The following C4orf50 variants were observed in gnomAD, a reference collection of about 807,000 sequenced individuals.
C4orf50 encodes the protein uncharacterized protein C4orf50.
A neutral mutation model predicts 77.2 loss-of-function variants in C4orf50; 80 were observed. The observed-to-expected ratio is 1.04, with a 90% CI of 0.87 to 1.25. The LOEUF (loss-of-function observed/expected upper bound fraction) is 1.25. C4orf50 is among the 50% of genes most tolerant of loss of function. C4orf50 has a pLI of 0.00. For synonymous variants in C4orf50, 532 were observed against 465.3 expected (o/e 1.14, Z -1.84); for missense variants, 1,257 against 1,152.9 (o/e 1.09, Z -1.31).
At position 5,970,977 on chromosome 4, in the gene C4orf50, T is replaced by G. The variant is rs73212620; in HGVS notation, c.4104+2682A>C. ...AAGGCAGCCTGTCCAGTTGGGACCC[T>G]AGCCAGCCCACGCCCCCTACCCAAA... On this transcript the variant is annotated intron_variant, in intron 31 of 33. Transcript: ENST00000531445. This position sits in a 1 kb window ranked among gnomAD's most constrained non-coding sequence, Gnocchi z 4.3. 0.058 allele frequency among the ~76,000 whole-genome samples: 8,900 copies of G among 152,236 alleles called. 327 individuals are homozygous for G. The highest frequency in any genetic ancestry group is 0.088 in the Non-Finnish European group (6,017 of 67,994).
At position 6,000,272 on chromosome 4, in the gene C4orf50, G is replaced by A. The variant is rs1560595493; in HGVS notation, c.964-5796C>T. ...CCTGGAAGCCACAGCCATGGCCACT[G>A]AGGCTCATGCAATTTCCACCAAGAC... On this transcript the variant is annotated intron_variant, in intron 25 of 33. Transcript: ENST00000531445. This position sits in a 1 kb window ranked among gnomAD's most constrained non-coding sequence, Gnocchi z 6.0. Among the ~76,000 whole-genome samples the A allele has an allele frequency of 1.3e-5, 2 of 152,132 alleles. No homozygotes were observed. The highest frequency in any genetic ancestry group is 3.9e-4 in the East Asian group (2 of 5,176).
At chr4:5,899,495 C>A (rs999764577) in intron 7 of C4orf50, 1 of 152,234 alleles carries the variant, frequency 6.6e-6, no homozygotes, top group East Asian at 1.9e-4. Flanking sequence ...TTAAGAACCA[C>A]CAGCTGTTTA....
intron 28 of C4orf50, among the ~76,000 whole-genome samples, chr4:5,983,177 C>T (rs77645257): frequency 0.085 from 12,959 of 152,272 alleles, 716 homozygotes; most frequent in Non-Finnish European, 0.11. Context: ...AGCTGTTCTC[C>T]TTCAATCCAC....
At chr4:5,986,008 C>T (rs74217404) in intron 28 of C4orf50, among the ~76,000 whole-genome samples, 23,298 of 151,974 alleles carry the variant, frequency 0.15, 1,911 homozygotes, top group East Asian at 0.21. Context: ...AACATTATAA[C>T]ATATAGATTT....
rs1164412443 is a variant in C4orf50 at position 5,975,170 on chromosome 4, A to C, written c.3921+729T>G. On this transcript the variant is annotated intron_variant, in intron 30 of 33. Transcript: ENST00000531445. ...AAAAAAAAAAAAAAAAAAAAAAAAA[A>C]AAAAAAAACTACATCACAGTGTTTG... Among the ~76,000 whole-genome samples the C allele has an allele frequency of 5.7e-3, 684 of 120,154 alleles. 25 individuals carry two copies. The highest frequency in any genetic ancestry group is 0.02 in the African/African-American group (652 of 31,860). 78.8% of individuals were successfully genotyped at this position (120,154 alleles called of 152,430 possible). A position where few individuals can be genotyped will look rare whatever the true frequency, so the allele number is the denominator to read the frequency against.
chr4:5,946,303 G>A (rs1490336503), intron 7 of C4orf50, among the ~76,000 whole-genome samples: 2 of 152,182 alleles, frequency 1.3e-5, no homozygotes. Flanking sequence ...TGGCAGGAGG[G>A]TTTAGTGCCT....
chr4:5,935,784 TA>T lies in C4orf50; in HGVS notation c.*2474+21116del, dbSNP rs769910855. Among the ~76,000 whole-genome samples the T allele has an allele frequency of 8.5e-3, 266 of 31,472 alleles. 1 individual carries two copies. The highest frequency in any genetic ancestry group is 0.019 in the Middle Eastern group (1 of 54). The allele number at this position is 31,472 out of a possible 152,430, so 20.6% of individuals were successfully genotyped here. On this transcript the variant is annotated intron_variant, in intron 7 of 7. Transcript: ENST00000324058. ...CTGGGCGACAGAGGGAGACTCCGTC[TA>T]AAAAAAAAAAAAAAAAAAAAAAAAA...
In C4orf50 at chr4:6,011,810, A is replaced by G; in HGVS notation, c.426+20T>C. The G allele has an allele frequency of 7.5e-6, 3 of 399,110 alleles. No homozygotes were observed. In the East Asian group the frequency reaches 1.1e-4, roughly 14 times the overall value. 24.7% of individuals were successfully genotyped at this position (399,110 alleles called of 1,614,324 possible). A position where few individuals can be genotyped will look rare whatever the true frequency, so the allele number is the denominator to read the frequency against. The stretch of plus-strand genomic sequence containing the variant: ...CTGCTGGACAGGAAACAGGGCCTGG[A>G]AAGGAGAAGGAAACGGTACCTGGCT... On this transcript the variant is annotated intron_variant, in intron 24 of 33. Transcript: ENST00000531445. This position sits in a 1 kb window ranked among gnomAD's most constrained non-coding sequence, Gnocchi z 4.2.
intron 7 of C4orf50, among the ~76,000 whole-genome samples, chr4:5,951,277 T>G (rs146878294): frequency 6.6e-6 from 1 of 152,196 alleles, no homozygotes; most frequent in Non-Finnish European, 1.5e-5. Context: ...TAGTGTGAAA[T>G]AGCTAAACCA....
chr4:5,986,646 CT>C (rs1720879541), intron 28 of C4orf50, among the ~76,000 whole-genome samples: 3 of 151,490 alleles, frequency 2.0e-5, no homozygotes. Flanking sequence ...TCAAGCAATT[CT>C]CCTGCCTCAG....
chr4:5,901,087 A>AC lies in C4orf50; in HGVS notation c.*2475-2900dup, dbSNP rs1716323668. On this transcript the variant is annotated intron_variant, in intron 7 of 7. Coordinates refer to the C4orf50 transcript ENST00000324058. The surrounding 1 kb of genome is among the most constrained non-coding windows in gnomAD (Gnocchi z 4.4). ...ACAGTGCCTAGCAGTTCATGGGGAA[A>AC]CGTTGCTATGCCAACTAGCTGGCTG... The AC allele has an allele frequency of 6.6e-6, 1 of 152,232 alleles. No homozygotes were observed. The allele number at this position is 152,232 out of a possible 1,614,324, so 9.4% of individuals were successfully genotyped here. A position where few individuals can be genotyped will look rare whatever the true frequency, so the allele number is the denominator to read the frequency against.
exon 28 of C4orf50, chr4:5,989,518 T>C: frequency 6.5e-7 from 1 of 1,536,158 alleles, no homozygotes; most frequent in Non-Finnish European, 8.7e-7. Flanking sequence ...GTGCCACTTC[T>C]GAGCAAAGCT....
At chr4:5,952,786 G>A (rs747377650), downstream of C4orf50, among the ~76,000 whole-genome samples, 2 of 152,174 alleles carry the variant, frequency 1.3e-5, no homozygotes, top group Non-Finnish European at 2.9e-5. The surrounding 1 kb of genome is among the most constrained non-coding windows in gnomAD (Gnocchi z 4.4). Flanking sequence ...GAAGGAGCGT[G>A]CTCAGAGAGG....
intron 7 of C4orf50, among the ~76,000 whole-genome samples, chr4:5,929,133 A>C (rs1717648493): frequency 1.3e-5 from 2 of 152,216 alleles, no homozygotes; most frequent in South Asian, 2.1e-4. Flanking sequence ...ATTTCCAGGC[A>C]GTTGGACATT....
intron 25 of C4orf50, among the ~76,000 whole-genome samples, chr4:6,003,688 GGTGATGATAGTGATGGTGATGAT>G (rs1721957634): frequency 6.7e-6 from 1 of 150,050 alleles, no homozygotes; most frequent in African/African-American, 2.4e-5. Context: ...TAGTGATGAT[GGTGATGATAGTGATGGTGATGAT>G]GTGATGGTGA....
chr4:5,970,861 T>A lies in C4orf50; in HGVS notation c.4104+2798A>T, dbSNP rs899141785. Among the ~76,000 whole-genome samples, 1 of 152,106 alleles carries A rather than the reference T, an allele frequency of 6.6e-6. No individual in the cohort carries two copies. Among genetic ancestry groups the A allele is most frequent in the Non-Finnish European group, 1.5e-5 (1 of 68,016 alleles). The stretch of plus-strand genomic sequence containing the variant: ...TCCCCCGTGGAGCCTAGCAGCAGGA[T>A]GCTGGGAGGGTGGAGTAAGCAGATC... On this transcript the variant is annotated intron_variant, in intron 31 of 33. Coordinates refer to ENST00000531445, the Ensembl canonical transcript of C4orf50. This position sits in a 1 kb window ranked among gnomAD's most constrained non-coding sequence, Gnocchi z 4.3.
chr4:5,954,226 C>T (rs918765506), downstream of C4orf50, among the ~76,000 whole-genome samples: 3 of 152,138 alleles, frequency 2.0e-5, no homozygotes, highest in Non-Finnish European at 2.9e-5. This position sits in a 1 kb window ranked among gnomAD's most constrained non-coding sequence, Gnocchi z 4.7. Context: ...TCTGCAGCCT[C>T]CCCTTGTGTG....
rs182327848 is a variant in C4orf50 at position 5,921,194 on chromosome 4, G to C, written c.*2475-23006C>G. Among the ~76,000 whole-genome samples, 22 of 152,346 alleles carry C rather than the reference G, an allele frequency of 1.4e-4. No individual in the cohort carries two copies. The East Asian group carries it at 4.3e-3, about 29-fold the overall frequency. Reference sequence around the variant, plus strand: ...CAGGGGATGACAGGTGTCCGGCGGGGATGTGCGGTTGCCTGTGATAGGCTT... The same window carrying C: ...CAGGGGATGACAGGTGTCCGGCGGGCATGTGCGGTTGCCTGTGATAGGCTT... On this transcript the variant is annotated intron_variant, in intron 7 of 7. Transcript: ENST00000324058.
intron 28 of C4orf50, among the ~76,000 whole-genome samples, chr4:5,981,094 G>A (rs1259785870): frequency 1.3e-5 from 2 of 152,170 alleles, no homozygotes; most frequent in South Asian, 2.1e-4. Context: ...ATACACACAA[G>A]CACACATAAA....
Sources: allele counts gnomAD v4.1 joint callset (sites outside exome capture counted in the v4.1 genomes callset), GRCh38; gene constraint gnomAD v4.1.1; non-coding constraint Gnocchi (gnomAD v3.1); transcripts MANE v1.5; gene names NCBI Gene and HGNC (gene_info 2026-07-23, HGNC 2026-07-21).